PARD3: variants seen among roughly 807,000 people sequenced by gnomAD.
PARD3 encodes par-3 family cell polarity regulator.
A neutral mutation model predicts 155.4 loss-of-function variants in PARD3; 75 were observed. That is an observed-to-expected ratio of 0.48 (90% CI 0.40 to 0.58). PARD3 has a LOEUF of 0.58. Ranked by LOEUF, PARD3 falls within the 20% of genes least tolerant of loss-of-function variation. The pLI is 0.00. For synonymous variants in PARD3, 576 were observed against 610.5 expected, an observed-to-expected ratio of 0.94 and a Z score of 0.83; for missense variants, 1,642 against 1,721.7, an observed-to-expected ratio of 0.95 and a Z score of 0.82.
intron 1 of PARD3, among the ~76,000 whole-genome samples, chr10:34,731,233 G>A (rs1361810423): frequency 1.3e-5 from 2 of 152,158 alleles, no homozygotes. Context: ...GCAGGCCTGA[G>A]TTTCAACTTG....
chr10:34,179,680 A>C (rs550053197), intron 22 of PARD3, among the ~76,000 whole-genome samples: 2 of 152,302 alleles, frequency 1.3e-5, no homozygotes, highest in South Asian at 4.1e-4. Flanking sequence ...GAAATTATCT[A>C]ATTTGAATCC....
chr10:34,177,907 G>A (rs774207057), intron 22 of PARD3, among the ~76,000 whole-genome samples: 3 of 152,088 alleles, frequency 2.0e-5, no homozygotes, highest in South Asian at 2.1e-4. Flanking sequence ...GCCCTCAGCC[G>A]TTCTAATTTC....
chr10:34,660,666 T>A (rs1209317401), intron 2 of PARD3, among the ~76,000 whole-genome samples: 1 of 152,074 alleles, frequency 6.6e-6, no homozygotes, highest in Non-Finnish European at 1.5e-5. Context: ...CCAACGCATG[T>A]GTGAATGGAC....
chr10:34,742,468 C>T (rs534091515), intron 1 of PARD3, among the ~76,000 whole-genome samples: 2 of 152,340 alleles, frequency 1.3e-5, no homozygotes, highest in Non-Finnish European at 2.9e-5. Context: ...CACAACACGG[C>T]TCCCAGGGGT....
At chr10:34,369,647 T>C (rs1019540969) in intron 12 of PARD3, among the ~76,000 whole-genome samples, 1 of 152,176 alleles carries the variant, frequency 6.6e-6, no homozygotes, top group Non-Finnish European at 1.5e-5. Context: ...AGAAGTAATA[T>C]ATCTCCTGCA....
In PARD3 at chr10:34,748,902, C is replaced by T. The variant is rs145149309; in HGVS notation, c.121-52483G>A. Among the ~76,000 whole-genome samples, 6 of 152,340 alleles carry T rather than the reference C, an allele frequency of 3.9e-5. No individual in the cohort carries two copies. The East Asian group carries it at 1.2e-3, about 29-fold the overall frequency. On this transcript the variant is annotated intron_variant, in intron 1 of 24. Coordinates refer to ENST00000374788, the MANE Select transcript of PARD3 (RefSeq NM_001184785.2). Reference sequence around the variant, plus strand: ...CACTAATCACTAAGGATGTTCCCCTCAGTTGTACTCATCAACACCCAGAGT... The same window carrying T: ...CACTAATCACTAAGGATGTTCCCCTTAGTTGTACTCATCAACACCCAGAGT...
chr10:34,298,510 C>A (rs1957011980), intron 20 of PARD3, among the ~76,000 whole-genome samples: 1 of 152,086 alleles, frequency 6.6e-6, no homozygotes, highest in Non-Finnish European at 1.5e-5. Flanking sequence ...AGATAAATAC[C>A]GATTCGGCTT....
intron 2 of PARD3, among the ~76,000 whole-genome samples, chr10:34,586,984 G>C (rs546617479): frequency 6.6e-6 from 1 of 152,142 alleles, no homozygotes; most frequent in Admixed American, 6.5e-5. Context: ...GGGGTGATAC[G>C]GGACAAACTC....
intron 12 of PARD3, among the ~76,000 whole-genome samples, chr10:34,371,459 C>T (rs1211089714): frequency 1.9e-5 from 2 of 106,152 alleles, no homozygotes; most frequent in African/African-American, 6.9e-5. Flanking sequence ...CTGCAGTGAG[C>T]CATGAAATAT....
rs1206588193 is a variant in PARD3 at position 34,111,139 on chromosome 10, C to T, written c.*30G>A. The T allele has an allele frequency of 9.9e-6, 15 of 1,513,240 alleles. No individual in the cohort carries two copies. The highest frequency in any genetic ancestry group is 6.8e-5 in the South Asian group (5 of 73,796). 93.7% of individuals were successfully genotyped at this position (1,513,240 alleles called of 1,614,324 possible). On this transcript the variant is annotated 3_prime_UTR_variant, in exon 25 of 25. Transcript: ENST00000374788. ...CTTCATAGGAAAATGTCTTTTATTG[C>T]GCGACATGAAGCATCCGTTATTTGC...
intron 3 of PARD3, among the ~76,000 whole-genome samples, chr10:34,509,414 G>GT (rs1178343068): frequency 4.6e-5 from 7 of 152,162 alleles, no homozygotes; most frequent in African/African-American, 1.7e-4. Flanking sequence ...CCCAAAGCCA[G>GT]TATGTCCATG....
intron 1 of PARD3, among the ~76,000 whole-genome samples, chr10:34,704,110 T>G (rs539506671): frequency 6.6e-6 from 1 of 151,926 alleles, no homozygotes; most frequent in Non-Finnish European, 1.5e-5. Flanking sequence ...TGGAGCAGAG[T>G]GACCAGTCCA....
intron 20 of PARD3, among the ~76,000 whole-genome samples, chr10:34,304,338 TA>T (rs138887087): frequency 0.034 from 4,615 of 135,308 alleles, 179 homozygotes; most frequent in African/African-American, 0.11. Flanking sequence ...TCTACAAAAT[TA>T]AAAAAAAAAA....
intron 20 of PARD3, among the ~76,000 whole-genome samples, chr10:34,306,907 G>C (rs1241294344): frequency 1.3e-5 from 2 of 150,584 alleles, no homozygotes; most frequent in Non-Finnish European, 3.0e-5. Context: ...TTTTTTTTGA[G>C]ACGGAGTCTC....
At chr10:34,541,894 T>G (rs1444853001) in intron 2 of PARD3, among the ~76,000 whole-genome samples, 3 of 151,882 alleles carry the variant, frequency 2.0e-5, no homozygotes, top group African/African-American at 7.3e-5. Flanking sequence ...GGTGGGAAGG[T>G]GGGACAGGGT....
intron 1 of PARD3, among the ~76,000 whole-genome samples, chr10:34,795,824 G>C (rs1429591633): frequency 6.6e-6 from 1 of 151,596 alleles, no homozygotes; most frequent in East Asian, 2.0e-4. Context: ...AACCCATGAG[G>C]TGGAGGTTGT....
chr10:34,359,971 T>G, intron 13 of PARD3, 100 bp downstream of exon 13: 19 of 852,032 alleles, frequency 2.2e-5, no homozygotes, highest in Non-Finnish European at 2.8e-5. Flanking sequence ...CATAAAGAAA[T>G]GAGAAAACTT....
intron 1 of PARD3, among the ~76,000 whole-genome samples, chr10:34,771,873 CTT>C (rs1253993899): frequency 6.6e-6 from 1 of 152,174 alleles, no homozygotes; most frequent in Non-Finnish European, 1.5e-5. Context: ...TAAAATGACA[CTT>C]TTTCCTAACA....
rs186355783 is a variant in PARD3, at chr10:34,681,944, A to C, written c.222+14374T>G. ...GCCAACATTTTCATCTCCCCATTTTACAACAGATCCCTAAGGACAAGTGTT... is the reference window on the plus strand; with the variant it reads ...GCCAACATTTTCATCTCCCCATTTTCCAACAGATCCCTAAGGACAAGTGTT... On this transcript the variant is annotated intron_variant, in intron 2 of 24. Coordinates refer to ENST00000374788, the MANE Select transcript of PARD3 (RefSeq NM_001184785.2). 2.7e-5 allele frequency among the ~76,000 whole-genome samples: 4 copies of C among 150,918 alleles called. No homozygotes were observed. The East Asian group carries it at 7.8e-4, about 29-fold the overall frequency.
Sources: gnomAD v4.1 joint callset for allele counts (sites outside exome capture counted in the v4.1 genomes callset) on GRCh38, gnomAD v4.1.1 for gene constraint, MANE v1.5 for transcripts, NCBI Gene and HGNC (gene_info 2026-07-23, HGNC 2026-07-21) for gene names.